Variants in PCDHGA1 observed in about 807,000 individuals in gnomAD.
The protein encoded by PCDHGA1 is protocadherin gamma subfamily A, 1.
In PCDHGA1, 32 loss-of-function variants were observed where a neutral mutation model predicts 58.0. That is an observed-to-expected ratio of 0.55 (90% CI 0.42 to 0.74). PCDHGA1 has a LOEUF of 0.74. Among genes scored for constraint, PCDHGA1 ranks in the 30% least tolerant of loss-of-function variants. The pLI, the probability that PCDHGA1 is intolerant of heterozygous loss-of-function variation, is 0.00. For missense variants in PCDHGA1, 1,205 were observed against 1,182.3 expected, an observed-to-expected ratio of 1.02 and a Z score of -0.28; for synonymous variants, 498 against 501.1, an observed-to-expected ratio of 0.99 and a Z score of 0.08.
At position 141,490,406 on chromosome 5, in the gene PCDHGA1, T is replaced by G; in HGVS notation, c.2422-4401T>G. On this transcript the variant is annotated intron_variant, in intron 1 of 3. Transcript: ENST00000517417. This position sits in a 1 kb window ranked among gnomAD's most constrained non-coding sequence, Gnocchi z 5.4. ...AGAAATGGTGAAGTGAGCCTTGATA[T>G]CTCTCCGGACCTGCCATTTCAGATT... is the stretch of plus-strand genomic sequence containing the variant. The G allele has an allele frequency of 1.9e-6, 3 of 1,614,112 alleles. No individual in the cohort carries two copies. Among genetic ancestry groups the G allele is most frequent in the Non-Finnish European group, 2.5e-6 (3 of 1,180,020 alleles).
intron 1 of PCDHGA1, chr5:141,351,597 C>T (rs1316640191): frequency 6.2e-7 from 1 of 1,614,084 alleles, no homozygotes; most frequent in Non-Finnish European, 8.5e-7. Context: ...GACAATGCAC[C>T]TGTTTTCCAT....
At chr5:141,460,924 A>ATATG (rs1561985817) in intron 1 of PCDHGA1, among the ~76,000 whole-genome samples, 10 of 150,588 alleles carry the variant, frequency 6.6e-5, no homozygotes, top group East Asian at 3.9e-4. Flanking sequence ...ATATATATAT[A>ATATG]TGTGTGTGTG....
At chr5:141,436,991 T>G (rs1016670604) in intron 1 of PCDHGA1, among the ~76,000 whole-genome samples, 2 of 152,238 alleles carry the variant, frequency 1.3e-5, no homozygotes, top group African/African-American at 4.8e-5. Flanking sequence ...AGAAGCAGTT[T>G]ACTTCAATGG....
At position 141,489,125 on chromosome 5, in the gene PCDHGA1, G is replaced by T. The variant is rs537146985; in HGVS notation, c.2422-5682G>T. 1.1e-4 allele frequency: 77 copies of T among 728,124 alleles called. No individual in the cohort carries two copies. The East Asian group carries it at 1.9e-3, about 18-fold the overall frequency. 45.1% of individuals were successfully genotyped at this position (728,124 alleles called of 1,614,324 possible). A position where few individuals can be genotyped will look rare whatever the true frequency, so the allele number is the denominator to read the frequency against. ...CTGCAAGCAGGCAAACCTCCGAGCAGTTTTTAAGAGGCTGGAAGGAGACAT... is the reference window on the plus strand; with the variant it reads ...CTGCAAGCAGGCAAACCTCCGAGCATTTTTTAAGAGGCTGGAAGGAGACAT... On this transcript the variant is annotated intron_variant, in intron 1 of 3. Coordinates refer to ENST00000517417, the MANE Select transcript of PCDHGA1 (RefSeq NM_018912.3). The surrounding 1 kb of genome is among the most constrained non-coding windows in gnomAD (Gnocchi z 4.5).
chr5:141,454,385 T>C (rs1168439343), intron 1 of PCDHGA1, among the ~76,000 whole-genome samples: 5 of 152,194 alleles, frequency 3.3e-5, no homozygotes, highest in Non-Finnish European at 7.4e-5. Flanking sequence ...CTTGTCAAGA[T>C]GAAGAAAAGG....
chr5:141,468,049 G>C (rs2099156671), intron 1 of PCDHGA1, among the ~76,000 whole-genome samples: 1 of 152,068 alleles, frequency 6.6e-6, no homozygotes, highest in African/African-American at 2.4e-5. Context: ...ACTAAGCCGG[G>C]CACAGTGGCT....
intron 1 of PCDHGA1, chr5:141,418,595 G>GT (rs2096273873): frequency 6.2e-7 from 1 of 1,613,928 alleles, no homozygotes; most frequent in African/African-American, 1.3e-5. Context: ...CAGCCAGGAC[G>GT]TGTACAGGGT....
intron 2 of PCDHGA1, among the ~76,000 whole-genome samples, chr5:141,499,115 C>G (rs940275925): frequency 6.6e-6 from 1 of 152,124 alleles, no homozygotes; most frequent in Non-Finnish European, 1.5e-5. Flanking sequence ...CACCACTATC[C>G]CTTCTCAGGT....
chr5:141,373,370 G>T (rs1448314999), intron 1 of PCDHGA1, among the ~76,000 whole-genome samples: 1 of 152,164 alleles, frequency 6.6e-6, no homozygotes, highest in African/African-American at 2.4e-5. Context: ...TAATGAATTG[G>T]TTCAAAATGT....
At chr5:141,357,618 T>A in intron 1 of PCDHGA1, 1 of 1,613,734 alleles carries the variant, frequency 6.2e-7, no homozygotes, top group Non-Finnish European at 8.5e-7. Context: ...ACCCTAATCT[T>A]CAGGTGAGTC....
intron 1 of PCDHGA1, chr5:141,389,539 A>G (rs762558713): frequency 6.2e-7 from 1 of 1,613,218 alleles, no homozygotes; most frequent in Non-Finnish European, 8.5e-7. Context: ...TTAGTGGACG[A>G]CCGCAACGAC....
chr5:141,330,742 C>T lies in PCDHGA1; in HGVS notation c.58C>T (p.Leu20=). Residue 20 remains leucine (L), a synonymous_variant, in exon 1 of 4, where the codon CTG becomes TTG. Transcript: ENST00000517417. ...CAGGCTGATGCTTCTGTGTCTTTCT[C>T]TGGAGCTGCTGTTGGAAGCTGGGGC... ...CSRLMLLCLS[L]ELLLEAGAGN... is the part of the protein sequence containing the mutation. 1 of 1,613,976 alleles carries T rather than the reference C, an allele frequency of 6.2e-7. No individual in the cohort carries two copies. The highest frequency in any genetic ancestry group is 8.5e-7 in the Non-Finnish European group (1 of 1,179,844).
intron 1 of PCDHGA1, among the ~76,000 whole-genome samples, chr5:141,405,944 A>T (rs1435240635): frequency 6.6e-6 from 1 of 152,130 alleles, no homozygotes; most frequent in East Asian, 1.9e-4. Flanking sequence ...TCATGTTCTC[A>T]TAATAATTAA....
chr5:141,503,894 T>C (rs898125492), intron 2 of PCDHGA1, among the ~76,000 whole-genome samples: 2 of 152,144 alleles, frequency 1.3e-5, no homozygotes, highest in African/African-American at 4.8e-5. Flanking sequence ...CATGACAAAA[T>C]ATGCACACAC....
chr5:141,467,912 G>A (rs879405529), intron 1 of PCDHGA1, among the ~76,000 whole-genome samples: 1 of 152,086 alleles, frequency 6.6e-6, no homozygotes, highest in Admixed American at 6.6e-5. Context: ...GCCCACCTCA[G>A]CCTCCCAAAA....
intron 1 of PCDHGA1, chr5:141,417,532 TA>T (rs1457524771): frequency 6.7e-5 from 19 of 284,780 alleles, no homozygotes; most frequent in South Asian, 1.5e-4. Context: ...ACTCGTAGTT[TA>T]AAAAAAATTC....
At chr5:141,346,165 T>G (rs1231422225) in intron 1 of PCDHGA1, 2 of 1,613,934 alleles carry the variant, frequency 1.2e-6, no homozygotes, top group Non-Finnish European at 1.7e-6. Flanking sequence ...GTCATCGTGC[T>G]GCTGGCGCTC....
intron 1 of PCDHGA1, chr5:141,374,093 C>T (rs1039229802): frequency 6.4e-7 from 1 of 1,554,822 alleles, no homozygotes; most frequent in Middle Eastern, 1.8e-4. Context: ...AATGGCGCCT[C>T]CGCAGAGGCA....
chr5:141,501,333 A>ACACACACC (rs1186649373), intron 2 of PCDHGA1, among the ~76,000 whole-genome samples: 1 of 140,020 alleles, frequency 7.1e-6, no homozygotes, highest in African/African-American at 2.6e-5. Context: ...ACACACACAC[A>ACACACACC]CCCCAAACTC....
Sources: gnomAD v4.1 joint callset for allele counts (sites outside exome capture counted in the v4.1 genomes callset) on GRCh38, gnomAD v4.1.1 for gene constraint, Gnocchi (gnomAD v3.1) non-coding constraint, MANE v1.5 for transcripts, NCBI Gene and HGNC (gene_info 2026-07-23, HGNC 2026-07-21) for gene names.